SIK2: variants seen among roughly 807,000 people sequenced by gnomAD.
The protein encoded by SIK2 is serine/threonine-protein kinase SIK2.
In SIK2, 29 loss-of-function variants were observed where a neutral mutation model predicts 103.2. The ratio of observed to expected loss-of-function variants is 0.28; its 90% confidence interval spans 0.21 to 0.38. SIK2 has a LOEUF of 0.38. Among genes scored for constraint, SIK2 ranks in the 10% least tolerant of loss-of-function variants. SIK2 has a pLI of 1.00. For missense variants in SIK2, 879 were observed against 1,171.0 expected (o/e 0.75, Z 3.64); for synonymous variants, 412 against 446.1 (o/e 0.92, Z 0.96).
intron 3 of SIK2, among the ~76,000 whole-genome samples, chr11:111,638,962 G>A (rs1942146288): frequency 6.6e-6 from 1 of 152,142 alleles, no homozygotes; most frequent in Admixed American, 6.5e-5. Flanking sequence ...CTGAAACAGT[G>A]TTGAGCTTTA....
At chr11:111,704,584 G>T (rs1943296513) in intron 7 of SIK2, among the ~76,000 whole-genome samples, 1 of 152,202 alleles carries the variant, frequency 6.6e-6, no homozygotes, top group Non-Finnish European at 1.5e-5. Flanking sequence ...CAGTGGTTCA[G>T]ATTTGTGTTG....
At position 111,712,363 on chromosome 11, in the gene SIK2, G is replaced by T; in HGVS notation, c.1254G>T (p.Val418=). 1 of 1,613,988 alleles carries T rather than the reference G, an allele frequency of 6.2e-7. No homozygotes were observed. Among genetic ancestry groups the T allele is most frequent in the Non-Finnish European group, 8.5e-7 (1 of 1,179,958 alleles). The change falls in exon 9 of 15, where the codon GTG becomes GTT. Residue 418 remains valine (V), a synonymous_variant. Transcript: ENST00000304987. ...CTGCATTCATGGAAGAAGAGTGTGT[G>T]GACACTCCAAAGGTACGGCTATGTT... ...AEAAFMEEEC[V]DTPKVNGCLL...
At chr11:111,606,795 G>A (rs1260854288) in intron 1 of SIK2, among the ~76,000 whole-genome samples, 5 of 151,584 alleles carry the variant, frequency 3.3e-5, no homozygotes, top group Non-Finnish European at 7.4e-5. Flanking sequence ...CAAATCTGTC[G>A]TGTTTATTAT....
chr11:111,651,135 T>G (rs1001913512), intron 3 of SIK2, among the ~76,000 whole-genome samples: 2 of 152,184 alleles, frequency 1.3e-5, no homozygotes, highest in Admixed American at 6.5e-5. Flanking sequence ...TTTAATTTAC[T>G]AAGGTAAAAT....
intron 1 of SIK2, among the ~76,000 whole-genome samples, chr11:111,611,833 A>C (rs1941730579): frequency 6.6e-6 from 1 of 152,220 alleles, no homozygotes; most frequent in African/African-American, 2.4e-5. Context: ...CTCTTATACT[A>C]TGTTGAGAAC....
intron 3 of SIK2, among the ~76,000 whole-genome samples, chr11:111,678,899 C>A (rs1435983457): frequency 6.6e-6 from 1 of 152,086 alleles, no homozygotes; most frequent in African/African-American, 2.4e-5. Context: ...TATGACTCTC[C>A]CAGCAAAAAC....
rs970108496 is a variant in SIK2, at chr11:111,728,009, A to G, written c.*3880A>G. The G allele has an allele frequency of 2.0e-5, 3 of 152,362 alleles. No individual in the cohort carries two copies. Among genetic ancestry groups the G allele is most frequent in the Middle Eastern group, 3.4e-3 (1 of 294 alleles). 9.4% of individuals were successfully genotyped at this position (152,362 alleles called of 1,614,324 possible). A position where few individuals can be genotyped will look rare whatever the true frequency, so the allele number is the denominator to read the frequency against. On this transcript the variant is annotated 3_prime_UTR_variant, in exon 15 of 15. Coordinates refer to ENST00000304987, the MANE Select transcript of SIK2 (RefSeq NM_015191.3). ...TTTAAAGAAAATTCATACTCCAGGT[A>G]ACTTTTTCCCATTCGACCTCCTATA...
chr11:111,701,263 T>C lies in SIK2; in HGVS notation c.604-189T>C, dbSNP rs536954666. Among the ~76,000 whole-genome samples the C allele has an allele frequency of 6.6e-6, 1 of 152,328 alleles. No individual in the cohort carries two copies. The highest frequency in any genetic ancestry group is 1.9e-4 in the East Asian group (1 of 5,188). On this transcript the variant is annotated intron_variant, in intron 5 of 14. Transcript: ENST00000304987. This position sits in a 1 kb window ranked among gnomAD's most constrained non-coding sequence, Gnocchi z 4.2. ...ATCAAAATTATCAGATTCAAATTCT[T>C]TGGTATTTATTATAAGATACTTATT...
rs757928902 is a variant in SIK2, at chr11:111,721,958, C to A, written c.2055+18C>A. ...GACTCCAGGTGGGTCCTTCTCCTTG[C>A]GAGTCCACCTCACTCTGCTCATCCA... On this transcript the variant is annotated intron_variant, in intron 13 of 14. Transcript: ENST00000304987. 2 of 1,534,700 alleles carry A rather than the reference C, an allele frequency of 1.3e-6. No individual in the cohort carries two copies. The highest frequency in any genetic ancestry group is 1.8e-6 in the Non-Finnish European group (2 of 1,132,576).
chr11:111,658,249 C>G (rs1488788378), intron 3 of SIK2, among the ~76,000 whole-genome samples: 1 of 151,918 alleles, frequency 6.6e-6, no homozygotes, highest in Non-Finnish European at 1.5e-5. Context: ...CCTCAGCCTC[C>G]CTAGTACTAG....
intron 1 of SIK2, among the ~76,000 whole-genome samples, chr11:111,612,056 A>G (rs1313769284): frequency 1.3e-5 from 2 of 152,096 alleles, no homozygotes; most frequent in African/African-American, 4.8e-5. Flanking sequence ...ATCAAATCTC[A>G]TTCATTTTTA....
chr11:111,635,414 A>C lies in SIK2; in HGVS notation c.316+15012A>C, dbSNP rs376814708. On this transcript the variant is annotated intron_variant, in intron 3 of 14. Coordinates refer to ENST00000304987, the MANE Select transcript of SIK2 (RefSeq NM_015191.3). ...GAAGAAAGGGAGAAAGGAAGGAAGG[A>C]GGGAGGGAGGGGGGAGGAAGGAAGG... Among the ~76,000 whole-genome samples, 10 of 111,494 alleles carry C rather than the reference A, an allele frequency of 9.0e-5. No homozygotes were observed. The East Asian group carries it at 9.5e-4, about 11-fold the overall frequency. The allele number at this position is 111,494 out of a possible 152,430, so 73.1% of individuals were successfully genotyped here.
rs1941804576 is a variant in SIK2, at chr11:111,616,243, G to A, written c.136G>A (p.Val46Met). 2.5e-6 allele frequency: 4 copies of A among 1,596,814 alleles called. No homozygotes were observed. Among genetic ancestry groups the A allele is most frequent in the Admixed American group, 1.7e-5 (1 of 59,782 alleles). The change falls in exon 2 of 15, where the codon GTG becomes ATG. Residue 46 changes from valine to methionine, a missense_variant and splice_region_variant. This residue lies in a region of SIK2 where 126 missense variants were observed against 245.5 expected (regional missense o/e 0.51). Transcript: ENST00000304987. Reference protein sequence around the residue: ...LGRHRITKTEVAIKIIDKSQL... With the variant: ...LGRHRITKTEMAIKIIDKSQL... ...TATTTATTTGTGTTCTGGGATGCAG[G>A]TGGCAATAAAAATAATCGATAAGTC...
At chr11:111,620,535 T>C (rs1941867955) in intron 3 of SIK2, 133 bp downstream of exon 3, 3 of 593,862 alleles carry the variant, frequency 5.1e-6, no homozygotes, top group South Asian at 2.4e-5. Context: ...TGTTAGAAAA[T>C]ATTCAGTAAC....
intron 3 of SIK2, among the ~76,000 whole-genome samples, chr11:111,681,737 A>G (rs78907376): frequency 0.019 from 2,913 of 152,286 alleles, 89 homozygotes; most frequent in African/African-American, 0.066. Flanking sequence ...ATACTTCTCT[A>G]CAGAAGAATT....
intron 3 of SIK2, among the ~76,000 whole-genome samples, chr11:111,669,605 GAAA>G: frequency 1.4e-5 from 1 of 69,684 alleles, no homozygotes; most frequent in Admixed American, 1.8e-4. Context: ...GAAAAAAAAA[GAAA>G]GAAAGAAAGA....
At chr11:111,683,215 C>T (rs1942799572) in intron 3 of SIK2, 1 of 154,390 alleles carries the variant, frequency 6.5e-6, no homozygotes, top group Non-Finnish European at 1.5e-5. Flanking sequence ...TCCCTCACCC[C>T]TCCATGTGTG....
At chr11:111,711,854 A>T (rs960143891) in intron 8 of SIK2, among the ~76,000 whole-genome samples, 3 of 152,190 alleles carry the variant, frequency 2.0e-5, no homozygotes, top group Admixed American at 6.5e-5. Context: ...TCTATTCTTT[A>T]TCTGTCTGGG....
At chr11:111,643,037 G>C (rs1288327532) in intron 3 of SIK2, among the ~76,000 whole-genome samples, 1 of 151,928 alleles carries the variant, frequency 6.6e-6, no homozygotes, top group Non-Finnish European at 1.5e-5. Context: ...CTTCTCATCT[G>C]TCCGCTAGTT....
Sources: gnomAD v4.1 joint callset for allele counts (sites outside exome capture counted in the v4.1 genomes callset) on GRCh38, gnomAD v4.1.1 for gene constraint, gnomAD v4.1.1 regional missense constraint, Gnocchi (gnomAD v3.1) non-coding constraint, MANE v1.5 for transcripts, NCBI Gene and HGNC (gene_info 2026-07-23, HGNC 2026-07-21) for gene names.